Variants in NTRK3 observed in about 807,000 individuals in gnomAD.
NTRK3 encodes neurotrophic receptor tyrosine kinase 3.
A neutral mutation model predicts 91.7 loss-of-function variants in NTRK3; 24 were observed. The observed-to-expected ratio is 0.26, with a 90% CI of 0.19 to 0.37. The LOEUF is 0.37. Among genes scored for constraint, NTRK3 ranks in the 10% least tolerant of loss-of-function variants. NTRK3 has a pLI of 1.00. For synonymous variants in NTRK3, 483 were observed against 404.0 expected (o/e 1.20, Z -2.34); for missense variants, 880 against 1,068.9 (o/e 0.82, Z 2.46).
chr15:87,907,765 G>T (rs1437454964), intron 17 of NTRK3, among the ~76,000 whole-genome samples: 3 of 152,172 alleles, frequency 2.0e-5, no homozygotes, highest in African/African-American at 7.2e-5. Flanking sequence ...CAAGCAAAAA[G>T]TGGAAGGAAG....
rs184180208 is a variant in NTRK3, at chr15:88,043,921, G to C, written c.1397-10876C>G. On this transcript the variant is annotated intron_variant, in intron 13 of 18. Transcript: ENST00000394480. Reference sequence around the variant, plus strand: ...CTCATACACTGCAATAGGGTATCCAGGGTATGTCTCAAGAAAACCCTTTTC... The same window carrying C: ...CTCATACACTGCAATAGGGTATCCACGGTATGTCTCAAGAAAACCCTTTTC... Among the ~76,000 whole-genome samples, 475 of 152,212 alleles carry C rather than the reference G, an allele frequency of 3.1e-3. 5 individuals carry two copies. Among genetic ancestry groups the C allele is most frequent in the African/African-American group, 0.011 (450 of 41,512 alleles).
intron 14 of NTRK3, among the ~76,000 whole-genome samples, chr15:88,013,103 GA>G (rs1201302703): frequency 1.4e-4 from 10 of 70,728 alleles, no homozygotes; most frequent in African/African-American, 4.1e-4. Context: ...CACTGGTAAA[GA>G]CCCACTACCA....
chr15:87,870,004 G>A (rs2064782105), exon 19 of NTRK3: 1 of 192,978 alleles, frequency 5.2e-6, no homozygotes, highest in Non-Finnish European at 1.1e-5. Flanking sequence ...GCATGTAAAA[G>A]AATGTCAGTA....
chr15:87,862,397 C>T (rs749947867), exon 19 of NTRK3: 9 of 226,798 alleles, frequency 4.0e-5, no homozygotes, highest in Non-Finnish European at 6.1e-5. Flanking sequence ...TGATAAGCAA[C>T]ATGGAAAGGG....
intron 14 of NTRK3, among the ~76,000 whole-genome samples, chr15:88,014,473 A>G (rs532798838): frequency 1.3e-5 from 2 of 152,342 alleles, no homozygotes; most frequent in East Asian, 3.9e-4. Context: ...AAAAACTTCT[A>G]TGTTCTACAA....
In NTRK3 at chr15:88,135,138, C is replaced by A. The variant is rs146792958; in HGVS notation, c.1167G>T (p.Gln389His). Residue 389 changes from glutamine to histidine, a missense_variant, in exon 10 of 19, where the codon CAG (glutamine) becomes CAT (histidine). Gln to His is a conservative substitution (Grantham distance 24). Coordinates refer to ENST00000394480, the Ensembl canonical transcript of NTRK3. ...CCTTGAGGAAGTGGCCATTGATGGT[C>A]TGGTTGGCTGTGCCCAGTGGGTTTT... 106 of 1,614,242 alleles carry A rather than the reference C, an allele frequency of 6.6e-5. No individual in the cohort carries two copies. The African/African-American group carries it at 1.1e-3, about 17-fold the overall frequency.
In NTRK3 at chr15:88,255,807, G is replaced by C. The variant is rs1453562652; in HGVS notation, c.248+99C>G. 1.9e-6 allele frequency: 2 copies of C among 1,066,746 alleles called. No homozygotes were observed. Among genetic ancestry groups the C allele is most frequent in the Non-Finnish European group, 2.5e-6 (2 of 802,974 alleles). The allele number at this position is 1,066,746 out of a possible 1,614,324, so 66.1% of individuals were successfully genotyped here. A position where few individuals can be genotyped will look rare whatever the true frequency, so the allele number is the denominator to read the frequency against. On this transcript the variant is annotated intron_variant, in intron 3 of 18. Transcript: ENST00000394480. The surrounding 1 kb of genome is among the most constrained non-coding windows in gnomAD (Gnocchi z 4.3). ...CGCCCAGCGGGCGGCGGGCAGCGGC[G>C]AGCTGGGGCGGGCGGAGGGCCGGCT...
chr15:87,943,728 A>C (rs796279783), intron 14 of NTRK3, among the ~76,000 whole-genome samples: 2 of 151,998 alleles, frequency 1.3e-5, no homozygotes, highest in Non-Finnish European at 2.9e-5. Context: ...GATTCAGACA[A>C]GCCAAGTGGG....
intron 15 of NTRK3, among the ~76,000 whole-genome samples, chr15:87,934,603 A>C (rs2069106845): frequency 6.6e-6 from 1 of 152,200 alleles, no homozygotes; most frequent in South Asian, 2.1e-4. Flanking sequence ...GGGGTCCATC[A>C]AACCTCTCAG....
intron 17 of NTRK3, among the ~76,000 whole-genome samples, chr15:87,915,252 A>G (rs1045358031): frequency 2.6e-5 from 4 of 152,268 alleles, no homozygotes; most frequent in African/African-American, 9.6e-5. Flanking sequence ...TAGCCAATGA[A>G]AGGAGAAAGG....
chr15:88,248,142 C>T (rs2053018113), intron 3 of NTRK3, among the ~76,000 whole-genome samples: 1 of 152,202 alleles, frequency 6.6e-6, no homozygotes, highest in African/African-American at 2.4e-5. Context: ...CACCAGCTTT[C>T]TGAATCTCAG....
intron 13 of NTRK3, among the ~76,000 whole-genome samples, chr15:88,046,240 T>A (rs117127307): frequency 0.011 from 1,642 of 152,250 alleles, 17 homozygotes; most frequent in Non-Finnish European, 0.017. Flanking sequence ...CCCTCTAGAA[T>A]CCTTGAAAGT....
chr15:88,241,994 T>G lies in NTRK3; in HGVS notation c.248+13912A>C, dbSNP rs571455461. On this transcript the variant is annotated intron_variant, in intron 3 of 18. Coordinates refer to ENST00000394480, the Ensembl canonical transcript of NTRK3. This position sits in a 1 kb window ranked among gnomAD's most constrained non-coding sequence, Gnocchi z 4.3. ...CCACGGCTTTCCCAGCTCTCCCAAG[T>G]GGCTGGCCCATCAGAGACTCTCCAA... 1.2e-4 allele frequency among the ~76,000 whole-genome samples: 18 copies of G among 152,266 alleles called. No individual in the cohort carries two copies. In the South Asian group the frequency reaches 3.7e-3, roughly 32 times the overall value.
intron 3 of NTRK3, among the ~76,000 whole-genome samples, chr15:88,184,710 A>G (rs2046813000): frequency 6.6e-6 from 1 of 152,014 alleles, no homozygotes; most frequent in Non-Finnish European, 1.5e-5. Context: ...GCCCATAAAG[A>G]CAATACAAAT....
intron 17 of NTRK3, among the ~76,000 whole-genome samples, chr15:87,917,371 C>T (rs2067520082): frequency 6.6e-6 from 1 of 152,158 alleles, no homozygotes; most frequent in African/African-American, 2.4e-5. Flanking sequence ...AACCATCTGT[C>T]TGGGATGATT....
chr15:87,997,970 G>A lies in NTRK3; in HGVS notation c.1585+34887C>T, dbSNP rs562475975. Among the ~76,000 whole-genome samples the A allele has an allele frequency of 1.2e-4, 19 of 152,256 alleles. No homozygotes were observed. In the South Asian group the frequency reaches 1.4e-3, roughly 12 times the overall value. On this transcript the variant is annotated intron_variant, in intron 14 of 18. Transcript: ENST00000394480. ...GAGATAAAACTTTTGTACCTTCTCC[G>A]TCACAAAAACATCATGAGCTCTAAA... is the stretch of plus-strand genomic sequence containing the variant.
chr15:87,909,827 G>A (rs1045230695), intron 17 of NTRK3, among the ~76,000 whole-genome samples: 1 of 152,216 alleles, frequency 6.6e-6, no homozygotes, highest in Non-Finnish European at 1.5e-5. Context: ...ACCATGTGGG[G>A]ACACAGTGAG....
intron 10 of NTRK3, among the ~76,000 whole-genome samples, chr15:88,131,109 G>GT (rs756922097): frequency 6.6e-6 from 1 of 152,242 alleles, no homozygotes; most frequent in Non-Finnish European, 1.5e-5. Context: ...TTCTAATTCA[G>GT]TAGACCTGGG....
chr15:88,133,809 T>C (rs2041617991), intron 10 of NTRK3, among the ~76,000 whole-genome samples: 2 of 152,138 alleles, frequency 1.3e-5, no homozygotes, highest in Non-Finnish European at 2.9e-5. Context: ...CTACATGGGA[T>C]TTCCAGGGCC....
Sources: gnomAD v4.1 joint callset for allele counts (sites outside exome capture counted in the v4.1 genomes callset) on GRCh38, gnomAD v4.1.1 for gene constraint, Gnocchi (gnomAD v3.1) non-coding constraint, MANE v1.5 for transcripts, NCBI Gene and HGNC (gene_info 2026-07-23, HGNC 2026-07-21) for gene names.